SMIM36: variants seen among roughly 807,000 people sequenced by gnomAD.
SMIM36 encodes the protein small integral membrane protein 36.
At chr17:55,529,597 C>T in the SMIM36 span, among the ~76,000 whole-genome samples, 58 of 144,792 alleles carry the variant, frequency 4.0e-4, no homozygotes, top group African/African-American at 1.4e-3. Context: ...GAAACCCCAT[C>T]TCTACTAAAA....
intron 1 of SMIM36, among the ~76,000 whole-genome samples, chr17:55,491,448 C>T (rs77920642): frequency 0.024 from 3,654 of 152,158 alleles, 141 homozygotes; most frequent in African/African-American, 0.083. Flanking sequence ...GAAACAACCC[C>T]ACTAGGGCAG....
chr17:55,515,910 G>C (rs9901573), upstream of SMIM36, among the ~76,000 whole-genome samples: 32 of 152,040 alleles, frequency 2.1e-4, 1 homozygote, highest in Admixed American at 2.1e-3. Flanking sequence ...CAGCAAACCA[G>C]GAGGTATACC....
chr17:55,454,952 A>G (rs1403535474), intron 4 of SMIM36, among the ~76,000 whole-genome samples: 2 of 152,214 alleles, frequency 1.3e-5, no homozygotes, highest in East Asian at 3.8e-4. Flanking sequence ...GCAATTTTGC[A>G]TTATTCATTA....
At chr17:55,530,778 G>A in the SMIM36 span, among the ~76,000 whole-genome samples, 1 of 145,556 alleles carries the variant, frequency 6.9e-6, no homozygotes, top group Non-Finnish European at 1.5e-5. Context: ...GCTAGACTCC[G>A]CCTCAAAAAA....
At chr17:55,527,764 C>T in the SMIM36 span, 14 of 152,200 alleles carry the variant, frequency 9.2e-5, no homozygotes, top group African/African-American at 3.4e-4. Flanking sequence ...GTCCATTTTA[C>T]AGTCAGAAAA....
chr17:55,509,317 TG>T (rs1356737196), intron 1 of SMIM36, among the ~76,000 whole-genome samples: 1 of 152,220 alleles, frequency 6.6e-6, no homozygotes, highest in Non-Finnish European at 1.5e-5. Flanking sequence ...TTTCAAGCTT[TG>T]TTTTTGTTAT....
At chr17:55,488,216 T>C (rs140797906) in intron 1 of SMIM36, among the ~76,000 whole-genome samples, 268 of 152,324 alleles carry the variant, frequency 1.8e-3, no homozygotes, top group Middle Eastern at 6.8e-3. Flanking sequence ...CAGTAGAGAC[T>C]GGAAAAATGT....
At chr17:55,524,162 G>A in the SMIM36 span, among the ~76,000 whole-genome samples, 1 of 152,136 alleles carries the variant, frequency 6.6e-6, no homozygotes, top group African/African-American at 2.4e-5. Context: ...TTATAAGTGA[G>A]AACATGCATT....
intron 3 of SMIM36, among the ~76,000 whole-genome samples, chr17:55,473,222 C>T (rs1489006884): frequency 2.0e-5 from 3 of 152,158 alleles, no homozygotes; most frequent in Admixed American, 2.0e-4. Context: ...TCCTTAAGAC[C>T]ATCACCTCTC....
chr17:55,453,311 G>GTAAGTAAATAAATAAATAAA (rs1908958429), intron 4 of SMIM36, among the ~76,000 whole-genome samples: 1 of 151,978 alleles, frequency 6.6e-6, no homozygotes, highest in African/African-American at 2.4e-5. Context: ...AAATAAGTAA[G>GTAAGTAAATAAATAAATAAA]TAAATAAATA....
intron 1 of SMIM36, among the ~76,000 whole-genome samples, chr17:55,500,833 A>AT (rs1266694330): frequency 3.6e-5 from 1 of 27,432 alleles, no homozygotes; most frequent in African/African-American, 3.3e-4. Context: ...TTTATAATAT[A>AT]TATTATAATA....
chr17:55,459,419 A>T (rs902686600), intron 4 of SMIM36, among the ~76,000 whole-genome samples: 3 of 152,110 alleles, frequency 2.0e-5, no homozygotes, highest in African/African-American at 7.2e-5. Flanking sequence ...TATATGTCCA[A>T]TATGTGTGGC....
At chr17:55,460,501 C>T (rs1450422621) in intron 4 of SMIM36, among the ~76,000 whole-genome samples, 1 of 150,534 alleles carries the variant, frequency 6.6e-6, no homozygotes, top group East Asian at 1.9e-4. Context: ...TAAGTGAAAA[C>T]AAAACAGCAC....
chr17:55,471,424 C>A (rs1041090096), intron 3 of SMIM36, among the ~76,000 whole-genome samples: 1 of 152,118 alleles, frequency 6.6e-6, no homozygotes, highest in Non-Finnish European at 1.5e-5. Flanking sequence ...CTTCCCCTAG[C>A]GTTACCTATC....
At chr17:55,468,960 T>G (rs987656369) in intron 3 of SMIM36, among the ~76,000 whole-genome samples, 2 of 152,110 alleles carry the variant, frequency 1.3e-5, no homozygotes, top group African/African-American at 4.8e-5. Flanking sequence ...TGGTCTGAGG[T>G]GCCTGACGTC....
At chr17:55,514,784 A>G (rs1910239800), upstream of SMIM36, among the ~76,000 whole-genome samples, 1 of 152,224 alleles carries the variant, frequency 6.6e-6, no homozygotes. Flanking sequence ...AGGTAAGTAG[A>G]GTTTATTACT....
the SMIM36 span, among the ~76,000 whole-genome samples, chr17:55,519,074 A>T: frequency 1.4e-4 from 22 of 151,998 alleles, no homozygotes; most frequent in African/African-American, 4.1e-4. Flanking sequence ...TGTATATTTT[A>T]AAAGAGGTGA....
intron 4 of SMIM36, among the ~76,000 whole-genome samples, chr17:55,459,933 T>TAGTA (rs1909107453): frequency 6.6e-6 from 1 of 151,950 alleles, no homozygotes; most frequent in Non-Finnish European, 1.5e-5. Context: ...TTGGTGGCTG[T>TAGTA]AGTAAGCTAT....
Position 55,488,334 on chromosome 17 carries a change from C to T in SMIM36, c.*175-8754G>A, listed in dbSNP as rs906911006. Among the ~76,000 whole-genome samples, 3 of 152,180 alleles carry T rather than the reference C, an allele frequency of 2.0e-5. No individual in the cohort carries two copies. In the East Asian group the frequency reaches 5.8e-4, roughly 29 times the overall value. ...GGAGGCTGCATTACGAAATTCTCTCCCAAAGTCCCTTTGCCTTTCTTTCAA... is the reference window on the plus strand; with the variant it reads ...GGAGGCTGCATTACGAAATTCTCTCTCAAAGTCCCTTTGCCTTTCTTTCAA... On this transcript the variant is annotated intron_variant, in intron 1 of 4. Transcript: ENST00000636752.
Sources: gnomAD v4.1 joint callset for allele counts (sites outside exome capture counted in the v4.1 genomes callset) on GRCh38, gnomAD v4.1.1 for gene constraint, MANE v1.5 for transcripts, NCBI Gene and HGNC (gene_info 2026-07-23, HGNC 2026-07-21) for gene names.